KLF8: variants seen among roughly 807,000 people sequenced by gnomAD.
The protein encoded by KLF8 is KLF transcription factor 8.
Under a neutral mutation model 18.2 loss-of-function variants are expected in KLF8, and 10 were observed. The observed-to-expected ratio is 0.55, with a 90% confidence interval of 0.34 to 0.93. The LOEUF (loss-of-function observed/expected upper bound fraction) is 0.93. KLF8 is among the 40% of genes least tolerant of loss of function. The probability of loss-of-function intolerance (pLI) is 0.02; values close to 1 mark genes in which losing one functional copy is unlikely to be tolerated. For missense variants in KLF8, 264 were observed against 277.9 expected, an observed-to-expected ratio of 0.95 and a Z score of 0.36; for synonymous variants, 109 against 97.3, an observed-to-expected ratio of 1.12 and a Z score of -0.71.
the KLF8 span, among the ~76,000 whole-genome samples, chrX:56,061,714 A>G: frequency 2.4e-4 from 27 of 110,669 alleles, no homozygotes; most frequent in Non-Finnish European, 4.7e-4. Context: ...AGTCCTGAAT[A>G]TTCTTACTTT....
chrX:56,212,142 A>G, the KLF8 span, among the ~76,000 whole-genome samples: 5 of 110,807 alleles, frequency 4.5e-5, no homozygotes, highest in African/African-American at 1.6e-4. Context: ...GGGTGTCACA[A>G]CTCTGACCAG....
intron 2 of KLF8, among the ~76,000 whole-genome samples, chrX:56,251,756 T>A (rs2066717183): frequency 9.0e-6 from 1 of 111,001 alleles, no homozygotes; most frequent in South Asian, 3.8e-4. Flanking sequence ...CCACCGTACC[T>A]GGCCTTATTT....
At chrX:56,133,133 G>T in the KLF8 span, among the ~76,000 whole-genome samples, 3 of 111,636 alleles carry the variant, frequency 2.7e-5, no homozygotes, top group Non-Finnish European at 5.7e-5. Context: ...CCACAAAACA[G>T]AGAAAGAGCA....
the KLF8 span, among the ~76,000 whole-genome samples, chrX:56,104,649 T>C: frequency 4.3e-4 from 48 of 111,726 alleles, no homozygotes; most frequent in African/African-American, 1.5e-3. Context: ...ATTTTGTTGA[T>C]CTTTTCAAAA....
chrX:56,183,591 T>A, the KLF8 span, among the ~76,000 whole-genome samples: 1 of 111,188 alleles, frequency 9.0e-6, no homozygotes, highest in Non-Finnish European at 1.9e-5. Flanking sequence ...TTCAGCAATC[T>A]TGGAACCCTC....
the KLF8 span, among the ~76,000 whole-genome samples, chrX:56,013,241 G>A: frequency 8.9e-6 from 1 of 112,489 alleles, no homozygotes; most frequent in Non-Finnish European, 1.9e-5. Flanking sequence ...ACTTGGATGG[G>A]GCCTGTAGCC....
At chrX:56,190,156 G>A in the KLF8 span, among the ~76,000 whole-genome samples, 1 of 111,181 alleles carries the variant, frequency 9.0e-6, no homozygotes, top group African/African-American at 3.3e-5. Flanking sequence ...CATGCCATTG[G>A]AAACATAAAT....
the KLF8 span, among the ~76,000 whole-genome samples, chrX:56,182,265 CT>C: frequency 8.9e-6 from 1 of 112,478 alleles, no homozygotes; most frequent in Non-Finnish European, 1.9e-5. Flanking sequence ...GCTACTGAAG[CT>C]TGTGCATTCG....
intron 1 of KLF8, chrX:56,242,905 C>T (rs1008844293): frequency 1.4e-5 from 6 of 414,550 alleles, no homozygotes; most frequent in South Asian, 7.9e-5. Flanking sequence ...GAAAGATACA[C>T]GTAAATTTAG....
At chrX:56,184,014 G>T in the KLF8 span, among the ~76,000 whole-genome samples, 48 of 111,747 alleles carry the variant, frequency 4.3e-4, no homozygotes, top group Admixed American at 4.4e-3. Context: ...GTGCCAGACA[G>T]TTGGCACAGG....
chrX:55,967,674 C>T, the KLF8 span, among the ~76,000 whole-genome samples: 1 of 111,074 alleles, frequency 9.0e-6, no homozygotes, highest in Non-Finnish European at 1.9e-5. Context: ...TCTGAAGGTA[C>T]AAAACTCACG....
chrX:56,229,237 G>A (rs2066386425), upstream of KLF8, among the ~76,000 whole-genome samples: 1 of 111,254 alleles, frequency 9.0e-6, no homozygotes, highest in South Asian at 3.9e-4. Context: ...GAGAAGAAGG[G>A]AAGAACAGCA....
the KLF8 span, among the ~76,000 whole-genome samples, chrX:56,221,712 G>A: frequency 9.0e-6 from 1 of 111,636 alleles, no homozygotes; most frequent in Non-Finnish European, 1.9e-5. Context: ...GCTGGCTTCC[G>A]TAGTGAAGCT....
the KLF8 span, among the ~76,000 whole-genome samples, chrX:56,018,550 A>G: frequency 1.8e-5 from 2 of 111,434 alleles, no homozygotes; most frequent in South Asian, 3.7e-4. Flanking sequence ...TTTGGTTTTC[A>G]TAGAAACAAG....
chrX:56,107,755 T>G, the KLF8 span, among the ~76,000 whole-genome samples: 18 of 111,326 alleles, frequency 1.6e-4, no homozygotes, highest in Admixed American at 4.8e-4. Flanking sequence ...CCCAGTGAGA[T>G]TAACCAGGTA....
the KLF8 span, among the ~76,000 whole-genome samples, chrX:56,046,282 A>C: frequency 9.0e-6 from 1 of 111,634 alleles, no homozygotes; most frequent in African/African-American, 3.3e-5. Flanking sequence ...ATCTATGATC[A>C]TCAGGCATAT....
the KLF8 span, among the ~76,000 whole-genome samples, chrX:55,994,073 G>C: frequency 9.1e-6 from 1 of 109,306 alleles, no homozygotes; most frequent in African/African-American, 3.3e-5. Flanking sequence ...ACCATGTCCG[G>C]CGAATTTTTT....
At chrX:56,199,133 A>C in the KLF8 span, among the ~76,000 whole-genome samples, 1 of 112,170 alleles carries the variant, frequency 8.9e-6, no homozygotes. Flanking sequence ...AACCATAAAA[A>C]CCCTAGAAGA....
At chrX:56,138,801 G>A in the KLF8 span, among the ~76,000 whole-genome samples, 1 of 111,149 alleles carries the variant, frequency 9.0e-6, no homozygotes, top group Admixed American at 9.6e-5. Context: ...AAAATAGTAT[G>A]GGAAGTGCTA....
Sources: gnomAD v4.1 joint callset for allele counts (sites outside exome capture counted in the v4.1 genomes callset) on GRCh38, gnomAD v4.1.1 for gene constraint, MANE v1.5 for transcripts, NCBI Gene and HGNC (gene_info 2026-07-23, HGNC 2026-07-21) for gene names.